RPL18A: variants seen among roughly 807,000 people sequenced by gnomAD.
RPL18A encodes ribosomal protein L18a.
For synonymous variants in RPL18A, 122 were observed against 96.9 expected (o/e 1.26, Z -1.52); for missense variants, 163 against 254.1 (o/e 0.64, Z 2.44).
At chr19:17,860,928 T>C in intron 1 of RPL18A, 1 of 245,568 alleles carries the variant, frequency 4.1e-6, no homozygotes, top group South Asian at 5.4e-5. Flanking sequence ...GTTGGCTGGA[T>C]GTTTTGAGGT....
rs566049904 is a variant in RPL18A, at chr19:17,859,980, G to T, written c.18+6G>T. On this transcript the variant is annotated splice_donor_region_variant and intron_variant, in intron 1 of 4. Coordinates refer to ENST00000222247, the MANE Select transcript of RPL18A (RefSeq NM_000980.4). ...CCATGAAGGCCTCGGGCACGGTAAG[G>T]CGGGCGCGGCGCGGCAGGGGGCCAA... 6.6e-7 allele frequency: 1 copy of T among 1,522,132 alleles called. No homozygotes were observed. Among genetic ancestry groups the T allele is most frequent in the Non-Finnish European group, 8.8e-7 (1 of 1,136,774 alleles). 94.3% of individuals were successfully genotyped at this position (1,522,132 alleles called of 1,614,324 possible). A position where few individuals can be genotyped will look rare whatever the true frequency, so the allele number is the denominator to read the frequency against.
chr19:17,863,140 A>G, intron 4 of RPL18A, 31 bp from the exon 5 acceptor site: 1 of 1,589,984 alleles, frequency 6.3e-7, no homozygotes, highest in Non-Finnish European at 8.6e-7. Context: ...AGAGGCTTCC[A>G]ACCCCCTCAA....
intron 3 of RPL18A, 47 bp downstream of exon 3, chr19:17,862,270 C>T (rs1449642232): frequency 4.4e-6 from 7 of 1,602,392 alleles, no homozygotes; most frequent in Non-Finnish European, 6.0e-6. Context: ...TCCTTGACTC[C>T]CTCACACTGA....
chr19:17,861,697 C>T (rs1258647346), intron 2 of RPL18A: 1 of 570,246 alleles, frequency 1.8e-6, no homozygotes, highest in Non-Finnish European at 3.1e-6. Context: ...ACCCAGGGAG[C>T]GGGTGGGTGG....
At chr19:17,863,100 A>G in intron 4 of RPL18A, 71 bp from the exon 5 acceptor site, 2 of 1,545,964 alleles carry the variant, frequency 1.3e-6, no homozygotes, top group South Asian at 2.2e-5. Context: ...GGGCGGCTAC[A>G]CCTTGGTGGC....
chr19:17,861,686 G>A (rs996609881), intron 2 of RPL18A: 4 of 581,644 alleles, frequency 6.9e-6, no homozygotes, highest in Non-Finnish European at 1.2e-5. Flanking sequence ...GAAAGCCAGG[G>A]ACCCAGGGAG....
rs1409061760 is a variant in RPL18A, at chr19:17,862,493, A to G, written c.328+270A>G. 15 of 686,026 alleles carry G rather than the reference A, an allele frequency of 2.2e-5. No homozygotes were observed. The African/African-American group carries it at 2.6e-4, about 12-fold the overall frequency. 42.5% of individuals were successfully genotyped at this position (686,026 alleles called of 1,614,324 possible). The stretch of plus-strand genomic sequence containing the variant: ...ACATCACCACTGTTTTCTGGGACCC[A>G]CTGAGAACCGAATTGAACCCCTGCC... On this transcript the variant is annotated intron_variant, in intron 3 of 4. Transcript: ENST00000222247.
chr19:17,861,262 T>C lies in RPL18A; in HGVS notation c.19-31T>C, dbSNP rs757923218. The C allele has an allele frequency of 3.1e-6, 5 of 1,608,132 alleles. No individual in the cohort carries two copies. The South Asian group carries it at 5.5e-5, about 18-fold the overall frequency. ...GATCTCCACAGTTGCCTCTGGGTGC[T>C]GGCCTTACCCTCACTCCTGTTTCCT... On this transcript the variant is annotated intron_variant, in intron 1 of 4. Coordinates refer to ENST00000222247, the MANE Select transcript of RPL18A (RefSeq NM_000980.4).
Position 17,859,930 on chromosome 19 carries a change from G to A in RPL18A, c.-27G>A. The A allele has an allele frequency of 6.5e-7, 1 of 1,543,908 alleles. No individual in the cohort carries two copies. ...GCGACAGAGGACACTTCCTTTTGCG[G>A]GTGGCGGCGAACGCGGAGAGCACGC... On this transcript the variant is annotated 5_prime_UTR_variant, in exon 1 of 5. Transcript: ENST00000222247.
intron 3 of RPL18A, chr19:17,862,605 G>A (rs151028181): frequency 1.2e-4 from 84 of 709,234 alleles, no homozygotes; most frequent in Middle Eastern, 9.6e-4. Flanking sequence ...CTAAACCCAA[G>A]AATCACTGTT....
rs755415071 is a variant in RPL18A, at chr19:17,862,075, T to C, written c.199-19T>C. 8 of 1,610,384 alleles carry C rather than the reference T, an allele frequency of 5.0e-6. No homozygotes were observed. Among genetic ancestry groups the C allele is most frequent in the Non-Finnish European group, 6.8e-6 (8 of 1,179,130 alleles). ...TCGGCTTGCTGCTCTCACATCTCCCTGTGGCCTCTCCTTGGCAGGTGTTTG... is the reference window on the plus strand; with the variant it reads ...TCGGCTTGCTGCTCTCACATCTCCCCGTGGCCTCTCCTTGGCAGGTGTTTG... On this transcript the variant is annotated intron_variant, in intron 2 of 4. Transcript: ENST00000222247.
At position 17,862,833 on chromosome 19, in the gene RPL18A, AGGTCATTG is replaced by A; in HGVS notation, c.329-82_329-75del. 4.5e-6 allele frequency: 4 copies of A among 890,480 alleles called. No homozygotes were observed. In the African/African-American group the frequency reaches 6.5e-5, roughly 15 times the overall value. The allele number at this position is 890,480 out of a possible 1,614,324, so 55.2% of individuals were successfully genotyped here. On this transcript the variant is annotated intron_variant, in intron 3 of 4. Transcript: ENST00000222247. Reference sequence around the variant, plus strand: ...GTTGCTGTGACCAACAGGATGTGTCAGGTCATTGGGCAGGCACTCAGGAGGTTTGCTGA... The same window carrying A: ...GTTGCTGTGACCAACAGGATGTGTCAGGCAGGCACTCAGGAGGTTTGCTGA...
chr19:17,860,132 A>G (rs2094274447), intron 1 of RPL18A, 158 bp downstream of exon 1: 1 of 625,416 alleles, frequency 1.6e-6, no homozygotes, highest in South Asian at 2.4e-5. Context: ...CATGGCGGCC[A>G]TCGTGGGAGC....
chr19:17,863,065 T>G, intron 4 of RPL18A, 38 bp downstream of exon 4: 2 of 1,569,928 alleles, frequency 1.3e-6, no homozygotes, highest in Non-Finnish European at 1.8e-6. Flanking sequence ...GGGAAGTGCC[T>G]GCTCTGACGC....
At chr19:17,862,503 G>T (rs748635858) in intron 3 of RPL18A, 38 of 696,064 alleles carry the variant, frequency 5.5e-5, no homozygotes, top group Non-Finnish European at 9.2e-5. Flanking sequence ...ACTGAGAACC[G>T]AATTGAACCC....
At chr19:17,862,893 A>G in intron 3 of RPL18A, 25 bp from the exon 4 acceptor site, 1 of 1,532,550 alleles carries the variant, frequency 6.5e-7, no homozygotes, top group Non-Finnish European at 9.0e-7. Flanking sequence ...CAACACCGTC[A>G]CCCTGGCCCC....
intron 2 of RPL18A, 22 bp downstream of exon 2, chr19:17,861,494 G>A (rs1057291497): frequency 2.3e-5 from 35 of 1,553,524 alleles, no homozygotes; most frequent in African/African-American, 1.8e-4. Flanking sequence ...CCGGGGCTAC[G>A]TGGGGTCTGG....
At chr19:17,861,575 C>A in intron 2 of RPL18A, 103 bp downstream of exon 2, 1 of 894,766 alleles carries the variant, frequency 1.1e-6, no homozygotes, top group Non-Finnish European at 1.7e-6. Context: ...TGCGGTAGCT[C>A]AACGCCTGTA....
At chr19:17,861,899 T>G in intron 2 of RPL18A, 195 bp from the exon 3 acceptor site, 1 of 624,382 alleles carries the variant, frequency 1.6e-6, no homozygotes, top group Non-Finnish European at 2.7e-6. Context: ...GCTGTTGCCA[T>G]GGGAAGTTCC....
Sources: gnomAD v4.1 joint callset for allele counts on GRCh38, gnomAD v4.1.1 for gene constraint, MANE v1.5 for transcripts, NCBI Gene and HGNC (gene_info 2026-07-23, HGNC 2026-07-21) for gene names.